MID1: variants seen among roughly 807,000 people sequenced by gnomAD.
The protein encoded by MID1 is E3 ubiquitin-protein ligase Midline-1.
In MID1, 7 loss-of-function variants were observed where a neutral mutation model predicts 40.4. The observed-to-expected ratio is 0.17, with a 90% confidence interval of 0.10 to 0.33. The LOEUF is 0.33. MID1 is among the 10% of genes least tolerant of loss of function. The pLI is 1.00. For synonymous variants in MID1, 229 were observed against 221.2 expected (o/e 1.04, Z -0.31); for missense variants, 367 against 558.5 (o/e 0.66, Z 3.46).
At chrX:10,559,194 T>C (rs745555008) in intron 2 of MID1, among the ~76,000 whole-genome samples, 9 of 112,590 alleles carry the variant, frequency 8.0e-5, no homozygotes, top group Non-Finnish European at 1.5e-4. Context: ...AAAATATACA[T>C]TTCAACACAT....
In MID1 at chrX:10,455,030, C is replaced by T. The variant is rs868016081; in HGVS notation, c.1495G>A (p.Val499Met). The change falls in exon 9 of 10, where the codon GTG (valine) becomes ATG (methionine). Residue 499 changes from valine to methionine, a missense_variant. Coordinates refer to ENST00000317552, the MANE Select transcript of MID1 (RefSeq NM_000381.4). ...DPKSAHRKLK[V>M]SHDNLTVERD... ...TCTACTGTCAAGTTATCATGGGACA[C>T]CTTCAGTTTTCGATGAGCAGATTTG... 1 of 1,211,324 alleles carries T rather than the reference C, an allele frequency of 8.3e-7. No homozygotes were observed. Among genetic ancestry groups the T allele is most frequent in the African/African-American group, 1.7e-5 (1 of 57,803 alleles).
In MID1 at chrX:10,454,878, T is replaced by A; in HGVS notation, c.1647A>T (p.Gly549=). 8.3e-7 allele frequency: 1 copy of A among 1,208,710 alleles called. No homozygotes were observed. The highest frequency in any genetic ancestry group is 1.1e-6 in the Non-Finnish European group (1 of 892,551). Residue 549 remains glycine (G), a synonymous_variant, in exon 9 of 10, where the codon GGA becomes GGT. Coordinates refer to ENST00000317552, the MANE Select transcript of MID1 (RefSeq NM_000381.4). ...GRHYWEVVIS[G]STWYAIGLAY... Reference sequence around the variant, plus strand: ...AGAAATAAGTTGCTTACCATGTGCTTCCACTTATGACCACTTCCCAATAAT... The same window carrying A: ...AGAAATAAGTTGCTTACCATGTGCTACCACTTATGACCACTTCCCAATAAT...
intron 1 of MID1, among the ~76,000 whole-genome samples, chrX:10,765,926 AGGAAAGGAAAG>A (rs1315431604): frequency 1.5e-3 from 135 of 90,609 alleles, no homozygotes; most frequent in African/African-American, 6.6e-3. Context: ...AAAGAAAGAA[AGGAAAGGAAAG>A]GAAAGGAAAG....
chrX:10,779,957 TTTTC>T (rs931373441), intron 1 of MID1, among the ~76,000 whole-genome samples: 4 of 102,656 alleles, frequency 3.9e-5, no homozygotes, highest in African/African-American at 1.7e-4. Flanking sequence ...CCTATTTTTC[TTTTC>T]TTTGTTTTTT....
chrX:10,450,709 C>T (rs935083521), intron 9 of MID1, among the ~76,000 whole-genome samples: 5 of 111,905 alleles, frequency 4.5e-5, no homozygotes, highest in African/African-American at 1.3e-4. Flanking sequence ...TTTGAGCAGA[C>T]GGATCTTCTG....
chrX:10,484,069 T>C (rs1005452807), intron 4 of MID1, among the ~76,000 whole-genome samples: 1 of 112,348 alleles, frequency 8.9e-6, no homozygotes, highest in Admixed American at 9.4e-5. Flanking sequence ...ACACTTATTT[T>C]ACACCAAATA....
At chrX:10,501,503 A>G (rs1459658554) in intron 3 of MID1, 4 of 1,150,838 alleles carry the variant, frequency 3.5e-6, no homozygotes, top group Admixed American at 2.6e-5. Flanking sequence ...ACTTTCTCCT[A>G]TTCCTAGGGT....
intron 1 of MID1, among the ~76,000 whole-genome samples, chrX:10,765,047 G>A (rs941231372): frequency 6.3e-5 from 7 of 111,561 alleles, no homozygotes; most frequent in Admixed American, 9.6e-5. Flanking sequence ...CACTCTTGTG[G>A]AGACTGGCTA....
At chrX:10,535,133 C>G (rs1323208221) in intron 2 of MID1, among the ~76,000 whole-genome samples, 2 of 111,691 alleles carry the variant, frequency 1.8e-5, no homozygotes. Context: ...AGTTCCCATT[C>G]TGGCCTACAC....
In MID1 at chrX:10,454,933, G is replaced by A. The variant is rs776614617; in HGVS notation, c.1592C>T (p.Ala531Val). 1.4e-5 allele frequency: 17 copies of A among 1,209,397 alleles called. No homozygotes were observed. The highest frequency in any genetic ancestry group is 1.8e-5 in the African/African-American group (1 of 57,039). ...GCCACTATCAATAAACACATTTCCA[G>A]CTACTCCATAGCTCCCCTGGCTGGT... is the stretch of plus-strand genomic sequence containing the variant. ...RFTSQGSYGV[A>V]GNVFIDSGRH... Residue 531 changes from alanine (A) to valine (V), a missense_variant, in exon 9 of 10, where the codon GCT becomes GTT. By Grantham distance (64) the Ala-to-Val change is moderately conservative (BLOSUM62 0). Coordinates refer to ENST00000317552, the MANE Select transcript of MID1 (RefSeq NM_000381.4).
chrX:10,467,910 C>T (rs1284051549), intron 7 of MID1, among the ~76,000 whole-genome samples: 1 of 111,984 alleles, frequency 8.9e-6, no homozygotes, highest in South Asian at 3.8e-4. Context: ...CAAGACCTCC[C>T]ACTATGCCCT....
intron 5 of MID1, chrX:10,475,181 C>G: frequency 3.0e-6 from 1 of 332,196 alleles, no homozygotes; most frequent in Non-Finnish European, 5.9e-6. Context: ...AGGAGAGTCT[C>G]CAAAATTTCA....
chrX:10,554,028 G>A (rs933098031), intron 2 of MID1, among the ~76,000 whole-genome samples: 1 of 111,552 alleles, frequency 9.0e-6, no homozygotes, highest in Non-Finnish European at 1.9e-5. Flanking sequence ...GCTCCAAAAC[G>A]TAGTCATCTG....
At chrX:10,584,903 G>A (rs1935103409) in intron 1 of MID1, among the ~76,000 whole-genome samples, 1 of 111,284 alleles carries the variant, frequency 9.0e-6, no homozygotes, top group Admixed American at 9.5e-5. Context: ...CGAGCTCCCT[G>A]AATGAGCAAT....
intron 1 of MID1, among the ~76,000 whole-genome samples, chrX:10,580,358 A>G (rs1318195196): frequency 9.0e-6 from 1 of 111,460 alleles, no homozygotes. Context: ...TTTTCTCTCC[A>G]TTCACAGCAC....
intron 1 of MID1, among the ~76,000 whole-genome samples, chrX:10,814,388 C>T (rs1435518733): frequency 1.8e-5 from 2 of 111,128 alleles, no homozygotes; most frequent in Admixed American, 9.6e-5. Context: ...AACAAAATTC[C>T]TTATTACTTT....
chrX:10,651,839 G>A (rs1936319931), intron 1 of MID1, among the ~76,000 whole-genome samples: 1 of 111,111 alleles, frequency 9.0e-6, no homozygotes, highest in African/African-American at 3.3e-5. Context: ...TGTTGCCCAG[G>A]TTAGTCTTGC....
chrX:10,665,594 C>G (rs1204665017), intron 1 of MID1, among the ~76,000 whole-genome samples: 2 of 107,179 alleles, frequency 1.9e-5, no homozygotes, highest in Non-Finnish European at 3.8e-5. Flanking sequence ...GTGGTGCAAT[C>G]CTAGCTCACT....
At chrX:10,736,507 G>C (rs1472005360) in intron 1 of MID1, among the ~76,000 whole-genome samples, 2 of 112,194 alleles carry the variant, frequency 1.8e-5, no homozygotes, top group Non-Finnish European at 3.8e-5. Flanking sequence ...GTTTATACTT[G>C]TCTGGGTCTG....
Sources: allele counts gnomAD v4.1 joint callset (sites outside exome capture counted in the v4.1 genomes callset), GRCh38; gene constraint gnomAD v4.1.1; transcripts MANE v1.5; gene names NCBI Gene and HGNC (gene_info 2026-07-23, HGNC 2026-07-21).